The following CHN2 variants were observed in gnomAD, a reference collection of about 807,000 sequenced individuals.
The protein encoded by CHN2 is chimerin 2, also known as beta-chimaerin.
Under a neutral mutation model 56.3 loss-of-function variants are expected in CHN2, and 35 were observed. The observed-to-expected ratio is 0.62, with a 90% CI of 0.47 to 0.82. The LOEUF (loss-of-function observed/expected upper bound fraction) is 0.82. CHN2 is among the 40% of genes least tolerant of loss of function. The pLI is 0.00. For missense variants in CHN2, 491 were observed against 580.5 expected, an observed-to-expected ratio of 0.85 and a Z score of 1.58; for synonymous variants, 210 against 212.8, an observed-to-expected ratio of 0.99 and a Z score of 0.12.
At chr7:29,247,495 C>T (rs1277065961) in intron 1 of CHN2, among the ~76,000 whole-genome samples, 2 of 152,194 alleles carry the variant, frequency 1.3e-5, no homozygotes, top group Non-Finnish European at 2.9e-5. Context: ...CCCTCCTTGA[C>T]CTGCTTCCTG....
chr7:29,454,447 A>T (rs1784613155), intron 6 of CHN2, among the ~76,000 whole-genome samples: 1 of 152,228 alleles, frequency 6.6e-6, no homozygotes, highest in Non-Finnish European at 1.5e-5. Context: ...AAGGGCCCTG[A>T]ATAGTATGTT....
At chr7:29,258,711 A>G (rs1268831985) in intron 1 of CHN2, among the ~76,000 whole-genome samples, 1 of 152,240 alleles carries the variant, frequency 6.6e-6, no homozygotes, top group Non-Finnish European at 1.5e-5. Context: ...GAGACCCACA[A>G]AATAACAGAG....
At chr7:29,346,197 G>A (rs77162938) in intron 1 of CHN2, among the ~76,000 whole-genome samples, 1 of 152,166 alleles carries the variant, frequency 6.6e-6, no homozygotes, top group African/African-American at 2.4e-5. Context: ...GTGCTGGCCT[G>A]ACAAGATCAT....
At position 29,358,875 on chromosome 7, in the gene CHN2, T is replaced by G. The variant is rs1202905994; in HGVS notation, c.88+4212T>G. On this transcript the variant is annotated intron_variant, in intron 2 of 12. Coordinates refer to ENST00000222792, the MANE Select transcript of CHN2 (RefSeq NM_004067.4). Reference sequence around the variant, plus strand: ...AAGCCAAAAGTGCAGAGGCATTGGCTTCAGACATGACTGTTCCAGCAACTC... The same window carrying G: ...AAGCCAAAAGTGCAGAGGCATTGGCGTCAGACATGACTGTTCCAGCAACTC... Among the ~76,000 whole-genome samples the G allele has an allele frequency of 5.9e-5, 9 of 152,340 alleles. No homozygotes were observed. In the East Asian group the frequency reaches 1.7e-3, roughly 29 times the overall value.
At chr7:29,210,607 T>C (rs1584744237) in intron 1 of CHN2, among the ~76,000 whole-genome samples, 1 of 151,412 alleles carries the variant, frequency 6.6e-6, no homozygotes, top group Non-Finnish European at 1.5e-5. Flanking sequence ...TATATATAAA[T>C]GTGTATCTTA....
intron 3 of CHN2, among the ~76,000 whole-genome samples, chr7:29,388,925 T>G (rs1231885995): frequency 6.6e-6 from 1 of 152,220 alleles, no homozygotes; most frequent in Non-Finnish European, 1.5e-5. Context: ...ATACTTGAGA[T>G]GTAACTATAA....
chr7:29,484,108 C>A (rs888470124), intron 7 of CHN2: 13 of 382,530 alleles, frequency 3.4e-5, no homozygotes, highest in Non-Finnish European at 6.6e-5. Context: ...TGTCTCTTTT[C>A]TACCATCTCT....
intron 6 of CHN2, among the ~76,000 whole-genome samples, chr7:29,438,824 T>C (rs913898762): frequency 1.3e-5 from 2 of 152,218 alleles, no homozygotes; most frequent in Non-Finnish European, 2.9e-5. Flanking sequence ...TTAAACAACC[T>C]TTGTTGAGAG....
At chr7:29,245,330 T>C (rs1787987192) in intron 1 of CHN2, among the ~76,000 whole-genome samples, 1 of 152,200 alleles carries the variant, frequency 6.6e-6, no homozygotes, top group Admixed American at 6.5e-5. Context: ...TGAACATTTC[T>C]TTAAAGAGGA....
At chr7:29,330,353 A>G (rs1490796007) in intron 1 of CHN2, among the ~76,000 whole-genome samples, 1 of 152,230 alleles carries the variant, frequency 6.6e-6, no homozygotes, top group Non-Finnish European at 1.5e-5. Context: ...GCACAGGGTC[A>G]GATTGGGTCA....
At chr7:29,356,142 G>A (rs2128927525) in intron 2 of CHN2, among the ~76,000 whole-genome samples, 1 of 152,186 alleles carries the variant, frequency 6.6e-6, no homozygotes, top group African/African-American at 2.4e-5. Flanking sequence ...GGGAGGCTAA[G>A]TAACTTGGTG....
At chr7:29,220,261 C>A (rs1355343601) in intron 1 of CHN2, among the ~76,000 whole-genome samples, 3 of 119,264 alleles carry the variant, frequency 2.5e-5, no homozygotes, top group East Asian at 2.4e-4. Context: ...CAGAGGGAGA[C>A]CCTGTCTTAA....
At chr7:29,394,893 A>G (rs1801623487) in intron 4 of CHN2, among the ~76,000 whole-genome samples, 1 of 152,224 alleles carries the variant, frequency 6.6e-6, no homozygotes, top group Non-Finnish European at 1.5e-5. Flanking sequence ...CCCCCAATTC[A>G]TGTAAAACAT....
At chr7:29,336,371 G>A (rs1290461493) in intron 1 of CHN2, among the ~76,000 whole-genome samples, 1 of 152,098 alleles carries the variant, frequency 6.6e-6, no homozygotes, top group Admixed American at 6.5e-5. Context: ...CAGCACTTCG[G>A]GAGTCAAGGG....
Position 29,334,754 on chromosome 7 carries a change from T to TCAAA in CHN2, c.50-19855_50-19852dup, listed in dbSNP as rs148773641. On this transcript the variant is annotated intron_variant, in intron 1 of 12. Coordinates refer to ENST00000222792, the MANE Select transcript of CHN2 (RefSeq NM_004067.4). ...CTGGGCGACAGAGCCAGACCCTGTC[T>TCAAA]CAAACAAACAAACAAACAACAACAA... Among the ~76,000 whole-genome samples the TCAAA allele has an allele frequency of 7.9e-5, 12 of 152,194 alleles. 1 individual carries two copies. The South Asian group carries it at 1.2e-3, about 16-fold the overall frequency.
In CHN2 at chr7:29,292,052, C is replaced by T. The variant is rs191057037; in HGVS notation, c.50-62573C>T. 1.1e-4 allele frequency among the ~76,000 whole-genome samples: 16 copies of T among 152,192 alleles called. No individual in the cohort carries two copies. In the East Asian group the frequency reaches 1.5e-3, roughly 15 times the overall value. On this transcript the variant is annotated intron_variant, in intron 1 of 12. Coordinates refer to ENST00000222792, the MANE Select transcript of CHN2 (RefSeq NM_004067.4). ...GTTTAAAGTAGGCCTTATGAACTAC[C>T]GGGGCGGAGGATTTTATGACACTTT...
chr7:29,315,302 C>T (rs1794882650), intron 1 of CHN2, among the ~76,000 whole-genome samples: 1 of 152,212 alleles, frequency 6.6e-6, no homozygotes, highest in African/African-American at 2.4e-5. Flanking sequence ...TCTGCTCCAT[C>T]TTTCTCAGCT....
At chr7:29,293,053 A>G in intron 1 of CHN2, 1 of 454,504 alleles carries the variant, frequency 2.2e-6, no homozygotes, top group South Asian at 1.6e-5. Context: ...CACATGCCCC[A>G]CTCCCCGCTT....
chr7:29,490,110 C>G (rs1438514293), intron 7 of CHN2, among the ~76,000 whole-genome samples: 2 of 128,492 alleles, frequency 1.6e-5, no homozygotes, highest in Non-Finnish European at 3.5e-5. Flanking sequence ...TGATGTCATT[C>G]CTTTTTTTTT....
Sources: gnomAD v4.1 joint callset for allele counts (sites outside exome capture counted in the v4.1 genomes callset) on GRCh38, gnomAD v4.1.1 for gene constraint, MANE v1.5 for transcripts, NCBI Gene and HGNC (gene_info 2026-07-23, HGNC 2026-07-21) for gene names.